ITGA1: variants seen among roughly 807,000 people sequenced by gnomAD.
ITGA1 encodes the protein integrin subunit alpha 1, also known as integrin alpha-1.
Under a neutral mutation model 145.9 loss-of-function variants are expected in ITGA1, and 85 were observed. That is an observed-to-expected ratio of 0.58 (90% CI 0.49 to 0.70). The LOEUF (loss-of-function observed/expected upper bound fraction) is 0.70, where lower values mean the gene tolerates loss of function less well. Ranked by LOEUF, ITGA1 falls within the 30% of genes least tolerant of loss-of-function variation. ITGA1 has a pLI of 0.00. For missense variants in ITGA1, 1,351 were observed against 1,418.7 expected (o/e 0.95, Z 0.77); for synonymous variants, 520 against 495.3 (o/e 1.05, Z -0.66).
intron 2 of ITGA1, among the ~76,000 whole-genome samples, chr5:52,852,033 G>T (rs749392588): frequency 2.3e-4 from 35 of 152,290 alleles, no homozygotes; most frequent in Non-Finnish European, 4.7e-4. Flanking sequence ...AAAACAGGAG[G>T]AGATGATTCT....
chr5:52,840,536 G>T (rs1435065316), intron 1 of ITGA1, among the ~76,000 whole-genome samples: 1 of 152,150 alleles, frequency 6.6e-6, no homozygotes, highest in East Asian at 1.9e-4. Context: ...TGGTGAAGGG[G>T]GTTGGTTTCT....
At chr5:52,813,769 T>C (rs1356736670) in intron 1 of ITGA1, among the ~76,000 whole-genome samples, 1 of 152,202 alleles carries the variant, frequency 6.6e-6, no homozygotes, top group Non-Finnish European at 1.5e-5. Context: ...TCTCCTCCTC[T>C]CATTCACATC....
At position 52,925,261 on chromosome 5, in the gene ITGA1, T is replaced by C; in HGVS notation, c.2404-17T>C. 1 of 1,603,130 alleles carries C rather than the reference T, an allele frequency of 6.2e-7. No individual in the cohort carries two copies. On this transcript the variant is annotated splice_polypyrimidine_tract_variant and intron_variant, in intron 18 of 28. Transcript: ENST00000282588. The stretch of plus-strand genomic sequence containing the variant: ...CGTAGCTAAATTTTGAAAAATTCTT[T>C]CCTGTCATCATTTCAGATTCCCTTT...
intron 9 of ITGA1, among the ~76,000 whole-genome samples, chr5:52,894,503 C>A (rs568513980): frequency 1.3e-5 from 2 of 151,784 alleles, no homozygotes; most frequent in Non-Finnish European, 2.9e-5. Context: ...CTTTGGAACT[C>A]GATCTTTCCT....
At chr5:52,821,645 T>G (rs1230944977) in intron 1 of ITGA1, among the ~76,000 whole-genome samples, 2 of 152,220 alleles carry the variant, frequency 1.3e-5, no homozygotes, top group Non-Finnish European at 1.5e-5. Flanking sequence ...CCTTGTATTC[T>G]TCCTCTTTGC....
rs778713307 is a variant in ITGA1 at position 52,947,332 on chromosome 5, T to C, written c.3379-13T>C. ...TGTTTATTATGTTAACAATCTTGTT[T>C]AATAATTTTCAGCTTGCTATTCAAA... On this transcript the variant is annotated splice_polypyrimidine_tract_variant and intron_variant, in intron 27 of 28. Transcript: ENST00000282588. 3 of 1,507,282 alleles carry C rather than the reference T, an allele frequency of 2.0e-6. No homozygotes were observed. Among genetic ancestry groups the C allele is most frequent in the Non-Finnish European group, 2.8e-6 (3 of 1,082,936 alleles). The allele number at this position is 1,507,282 out of a possible 1,614,324, so 93.4% of individuals were successfully genotyped here.
intron 1 of ITGA1, among the ~76,000 whole-genome samples, chr5:52,812,793 T>TG (rs1351590829): frequency 1.3e-4 from 8 of 60,204 alleles, no homozygotes; most frequent in Admixed American, 6.6e-4. Context: ...TTATCGCTTT[T>TG]TTTTTTTTTT....
intron 6 of ITGA1, among the ~76,000 whole-genome samples, chr5:52,876,491 T>G (rs1287945194): frequency 4.6e-5 from 7 of 152,190 alleles, no homozygotes; most frequent in Non-Finnish European, 2.9e-5. Context: ...ACATTGAATG[T>G]CATTTCCCTG....
At chr5:52,939,746 A>G (rs769981458) in intron 25 of ITGA1, 55 bp downstream of exon 25, 21 of 1,468,466 alleles carry the variant, frequency 1.4e-5, no homozygotes, top group Non-Finnish European at 2.0e-5. Flanking sequence ...AATAAAATTG[A>G]TATCAATCTA....
intron 20 of ITGA1, among the ~76,000 whole-genome samples, chr5:52,928,137 C>G (rs1445847286): frequency 1.3e-5 from 2 of 152,068 alleles, no homozygotes; most frequent in Non-Finnish European, 2.9e-5. Context: ...GTATTTTGTA[C>G]AAGGTATTTA....
intron 1 of ITGA1, chr5:52,803,089 C>A (rs1403952283): frequency 6.6e-6 from 1 of 152,158 alleles, no homozygotes; most frequent in Non-Finnish European, 1.5e-5. Flanking sequence ...ATCAGCGACG[C>A]CTATTTCAAG....
intron 1 of ITGA1, among the ~76,000 whole-genome samples, chr5:52,798,933 G>A (rs1021001704): frequency 6.6e-6 from 1 of 152,122 alleles, no homozygotes; most frequent in African/African-American, 2.4e-5. Flanking sequence ...GCAGTTTTGC[G>A]TGACCCAGTT....
intron 1 of ITGA1, among the ~76,000 whole-genome samples, chr5:52,815,733 T>A (rs1166964144): frequency 6.6e-6 from 1 of 152,200 alleles, no homozygotes; most frequent in Non-Finnish European, 1.5e-5. Flanking sequence ...CTTTTCCAGA[T>A]GATTCTTATG....
At chr5:52,934,325 A>G (rs1371001866) in intron 23 of ITGA1, among the ~76,000 whole-genome samples, 2 of 151,690 alleles carry the variant, frequency 1.3e-5, no homozygotes, top group African/African-American at 2.4e-5. Context: ...ATGGGACTAG[A>G]TAGATGCTAC....
chr5:52,804,806 C>T (rs552459784), intron 1 of ITGA1, among the ~76,000 whole-genome samples: 65 of 152,112 alleles, frequency 4.3e-4, no homozygotes, highest in Non-Finnish European at 8.8e-4. Context: ...TTAAGACTGG[C>T]TATTTGTGTT....
At chr5:52,860,175 A>G (rs1749576049) in intron 2 of ITGA1, among the ~76,000 whole-genome samples, 1 of 152,166 alleles carries the variant, frequency 6.6e-6, no homozygotes, top group South Asian at 2.1e-4. Context: ...CTTGATAAGT[A>G]TTTTTTTCTT....
intron 1 of ITGA1, among the ~76,000 whole-genome samples, chr5:52,799,670 A>C (rs1748414755): frequency 6.6e-6 from 1 of 152,208 alleles, no homozygotes; most frequent in South Asian, 2.1e-4. Context: ...CCGCTTCTAA[A>C]TACCAGCTCC....
intron 11 of ITGA1, among the ~76,000 whole-genome samples, chr5:52,900,603 A>G (rs1031816413): frequency 1.3e-5 from 2 of 152,224 alleles, no homozygotes; most frequent in Non-Finnish European, 2.9e-5. Flanking sequence ...TAAAAATTAT[A>G]AAGCTGCTGA....
chr5:52,831,104 A>T (rs1010367307), intron 1 of ITGA1, among the ~76,000 whole-genome samples: 1 of 151,810 alleles, frequency 6.6e-6, no homozygotes, highest in Non-Finnish European at 1.5e-5. Context: ...TTACATAGGA[A>T]TCACCTGTCT....
Sources: allele counts gnomAD v4.1 joint callset (sites outside exome capture counted in the v4.1 genomes callset), GRCh38; gene constraint gnomAD v4.1.1; transcripts MANE v1.5; gene names NCBI Gene and HGNC (gene_info 2026-07-23, HGNC 2026-07-21).